Variants in KIF13B observed in about 807,000 individuals in gnomAD.
KIF13B encodes the protein kinesin-like protein KIF13B.
A neutral mutation model predicts 222.0 loss-of-function variants in KIF13B; 127 were observed. The ratio of observed to expected loss-of-function variants is 0.57; its 90% confidence interval spans 0.50 to 0.66. The LOEUF (loss-of-function observed/expected upper bound fraction) is 0.66. Ranked by LOEUF, KIF13B falls within the 30% of genes least tolerant of loss-of-function variation. The probability of loss-of-function intolerance (pLI) is 0.00; values close to 1 mark genes in which losing one functional copy is unlikely to be tolerated. For synonymous variants in KIF13B, 976 were observed against 919.0 expected (o/e 1.06, Z -1.12); for missense variants, 2,173 against 2,379.0 (o/e 0.91, Z 1.80).
intron 2 of KIF13B, among the ~76,000 whole-genome samples, chr8:29,237,969 G>A (rs1199604654): frequency 6.6e-6 from 1 of 152,132 alleles, no homozygotes; most frequent in Non-Finnish European, 1.5e-5. Context: ...TAGCAGGACG[G>A]GCTCCCTGAG....
At chr8:29,074,851 A>G (rs982149615) in intron 38 of KIF13B, among the ~76,000 whole-genome samples, 1 of 152,258 alleles carries the variant, frequency 6.6e-6, no homozygotes, top group East Asian at 1.9e-4. Flanking sequence ...TTTGCTATTC[A>G]TAAGATTAGA....
intron 10 of KIF13B, among the ~76,000 whole-genome samples, chr8:29,168,366 T>C (rs544959640): frequency 6.6e-6 from 1 of 152,188 alleles, no homozygotes; most frequent in Admixed American, 6.5e-5. Flanking sequence ...AAAGAAGACT[T>C]GGGGCATCAA....
intron 14 of KIF13B, among the ~76,000 whole-genome samples, chr8:29,152,586 A>AT (rs930536365): frequency 3.4e-5 from 5 of 149,122 alleles, no homozygotes; most frequent in African/African-American, 1.0e-4. Context: ...GGCTCCAGTG[A>AT]TTTTTTAGCA....
intron 10 of KIF13B, among the ~76,000 whole-genome samples, chr8:29,171,942 G>C (rs35337444): frequency 6.6e-6 from 1 of 151,428 alleles, no homozygotes; most frequent in Admixed American, 6.6e-5. Context: ...ATTTTTAGTA[G>C]AGATGGGGTT....
chr8:29,195,498 A>G (rs934417827), intron 3 of KIF13B, among the ~76,000 whole-genome samples: 4 of 152,210 alleles, frequency 2.6e-5, no homozygotes, highest in African/African-American at 9.6e-5. Context: ...TTTAGCAATA[A>G]TAATAGCGAA....
rs537017741 is a variant in KIF13B at position 29,070,689 on chromosome 8, G to A, written c.5296C>T (p.Arg1766Trp). The change falls in exon 40 of 40, where the codon CGG becomes TGG. Residue 1766 changes from arginine (R) to tryptophan (W), a missense_variant. By Grantham distance (101) the Arg-to-Trp change is moderately radical. Transcript: ENST00000524189. This position sits in a 1 kb window ranked among gnomAD's most constrained non-coding sequence, Gnocchi z 4.1. ...ACAGGGCCCGTGGCCCTGCGGACCC[G>A]GCTGGGCCTGACCAGCAGCCCGTAG... ...PGYGLLVRPS[R>W]VRRATGPVRR... The A allele has an allele frequency of 1.2e-5, 19 of 1,560,822 alleles. No individual in the cohort carries two copies. In the East Asian group the frequency reaches 2.6e-4, roughly 22 times the overall value.
At chr8:29,220,020 T>C (rs899329735) in intron 2 of KIF13B, among the ~76,000 whole-genome samples, 1 of 152,080 alleles carries the variant, frequency 6.6e-6, no homozygotes, top group Non-Finnish European at 1.5e-5. Context: ...GCCGAGATCA[T>C]GCCACTGCAC....
chr8:29,098,192 T>TAAAAAAAAAAAAAAAAAAAAAAAAA (rs1808625792), intron 36 of KIF13B, among the ~76,000 whole-genome samples: 1 of 88,096 alleles, frequency 1.1e-5, no homozygotes, highest in African/African-American at 4.9e-5. Flanking sequence ...AAAAAAAAAG[T>TAAAAAAAAAAAAAAAAAAAAAAAAA]AAGTGATGTT....
intron 30 of KIF13B, among the ~76,000 whole-genome samples, chr8:29,118,320 T>C (rs1809697964): frequency 7.0e-6 from 1 of 141,976 alleles, no homozygotes; most frequent in Admixed American, 7.1e-5. Flanking sequence ...TGAAACCCCA[T>C]CTCTACTAAA....
At chr8:29,118,254 GC>G (rs1809694870) in intron 30 of KIF13B, among the ~76,000 whole-genome samples, 1 of 151,454 alleles carries the variant, frequency 6.6e-6, no homozygotes, top group African/African-American at 2.4e-5. Context: ...ACTTTGGGAG[GC>G]CAAGGCAGGC....
chr8:29,162,391 T>G (rs1811820503), intron 12 of KIF13B, among the ~76,000 whole-genome samples: 1 of 152,246 alleles, frequency 6.6e-6, no homozygotes, highest in Non-Finnish European at 1.5e-5. Context: ...ATTTTGGTCC[T>G]GGGTCTTCAA....
At chr8:29,077,050 A>G (rs1807597658) in intron 37 of KIF13B, among the ~76,000 whole-genome samples, 1 of 152,226 alleles carries the variant, frequency 6.6e-6, no homozygotes, top group African/African-American at 2.4e-5. Context: ...CACTGCAACC[A>G]CTAGGGAGTT....
chr8:29,172,936 A>G (rs1393050545), intron 10 of KIF13B, among the ~76,000 whole-genome samples: 3 of 147,120 alleles, frequency 2.0e-5, no homozygotes, highest in Non-Finnish European at 3.0e-5. Context: ...TTTTTTTGAG[A>G]GGGTTGTCTT....
At chr8:29,155,668 G>C (rs2130065975) in intron 14 of KIF13B, 58 bp downstream of exon 14, 4 of 1,470,822 alleles carry the variant, frequency 2.7e-6, no homozygotes, top group Admixed American at 1.9e-5. Context: ...GTTGCCACTA[G>C]AGTACTTTCT....
chr8:29,131,513 C>T (rs1184397369), intron 23 of KIF13B, among the ~76,000 whole-genome samples: 1 of 151,872 alleles, frequency 6.6e-6, no homozygotes, highest in Non-Finnish European at 1.5e-5. Context: ...TATCCAAATG[C>T]AAAAAAGAAA....
At chr8:29,231,190 C>T (rs763340055) in intron 2 of KIF13B, among the ~76,000 whole-genome samples, 4 of 152,138 alleles carry the variant, frequency 2.6e-5, no homozygotes, top group Non-Finnish European at 4.4e-5. Flanking sequence ...GTGTGACTTA[C>T]TCTTAACCAG....
intron 2 of KIF13B, among the ~76,000 whole-genome samples, chr8:29,231,876 A>G (rs1036311034): frequency 2.0e-5 from 3 of 151,740 alleles, no homozygotes; most frequent in African/African-American, 7.3e-5. Flanking sequence ...CCACTTCCAA[A>G]TTTTTTTTTA....
rs1012210315 is a variant in KIF13B at position 29,146,002 on chromosome 8, G to A, written c.2187+376C>T. On this transcript the variant is annotated intron_variant, in intron 18 of 39. Coordinates refer to ENST00000524189, the MANE Select transcript of KIF13B (RefSeq NM_015254.4). ...CTATTCCAAGTAGAAAATAACATAA[G>A]CAAAATGAACACCTAACTTGTGGAG... The A allele has an allele frequency of 1.0e-5, 4 of 385,194 alleles. No individual in the cohort carries two copies. In the Admixed American group the frequency reaches 1.3e-4, roughly 12 times the overall value. 23.9% of individuals were successfully genotyped at this position (385,194 alleles called of 1,614,324 possible).
chr8:29,231,485 A>G (rs906594093), intron 2 of KIF13B, among the ~76,000 whole-genome samples: 5 of 152,244 alleles, frequency 3.3e-5, no homozygotes, highest in Non-Finnish European at 7.3e-5. Flanking sequence ...AGGAGGGGTA[A>G]TCACTGAACA....
Sources: gnomAD v4.1 joint callset for allele counts (sites outside exome capture counted in the v4.1 genomes callset) on GRCh38, gnomAD v4.1.1 for gene constraint, Gnocchi (gnomAD v3.1) non-coding constraint, MANE v1.5 for transcripts, NCBI Gene and HGNC (gene_info 2026-07-23, HGNC 2026-07-21) for gene names.